The following TAB1 variants were observed in gnomAD, a reference collection of about 807,000 sequenced individuals.
The protein encoded by TAB1 is TGF-beta activated kinase 1 (MAP3K7) binding protein 1, also known as TGF-beta-activated kinase 1 and MAP3K7-binding protein 1.
Under a neutral mutation model 54.5 loss-of-function variants are expected in TAB1, and 30 were observed. The ratio of observed to expected loss-of-function variants is 0.55; its 90% confidence interval spans 0.41 to 0.75. The LOEUF (loss-of-function observed/expected upper bound fraction) is 0.75. Ranked by LOEUF, TAB1 falls within the 30% of genes least tolerant of loss-of-function variation. The probability of loss-of-function intolerance (pLI) is 0.00; values close to 1 mark genes in which losing one functional copy is unlikely to be tolerated. For synonymous variants in TAB1, 289 were observed against 286.9 expected, an observed-to-expected ratio of 1.01 and a Z score of -0.07; for missense variants, 609 against 683.2, an observed-to-expected ratio of 0.89 and a Z score of 1.21.
intron 4 of TAB1, 82 bp downstream of exon 4, chr22:39,416,959 A>G (rs1926860437): frequency 1.4e-6 from 2 of 1,379,412 alleles, no homozygotes; most frequent in Non-Finnish European, 2.0e-6. Context: ...CTTTCTTGAC[A>G]TTACTGGGCC....
downstream of TAB1, chr22:39,431,952 C>T (rs1027931697): frequency 1.1e-6 from 1 of 878,004 alleles, no homozygotes; most frequent in South Asian, 5.2e-5. Flanking sequence ...CTCTTCACTG[C>T]CCTGGAGGTT....
At chr22:39,428,385 C>T (rs1271632598) in intron 10 of TAB1, among the ~76,000 whole-genome samples, 1 of 152,202 alleles carries the variant, frequency 6.6e-6, no homozygotes, top group Non-Finnish European at 1.5e-5. Context: ...CTGATGGTCC[C>T]AGCCTACTTC....
Position 39,419,502 on chromosome 22 carries a change from A to G in TAB1, c.665-17A>G. 1.3e-6 allele frequency: 2 copies of G among 1,576,162 alleles called. No individual in the cohort carries two copies. The highest frequency in any genetic ancestry group is 1.7e-6 in the Non-Finnish European group (2 of 1,152,434). ...TGTGAACAAGAAGCAGGATTGTTGC[A>G]CTGTTTCCCTCCGTAGGCTTGGATG... On this transcript the variant is annotated splice_polypyrimidine_tract_variant and intron_variant, in intron 6 of 10. Coordinates refer to ENST00000216160, the MANE Select transcript of TAB1 (RefSeq NM_006116.3).
At chr22:39,417,041 T>A (rs1242425612) in intron 4 of TAB1, among the ~76,000 whole-genome samples, 164 bp downstream of exon 4, 1 of 152,242 alleles carries the variant, frequency 6.6e-6, no homozygotes, top group African/African-American at 2.4e-5. Context: ...GGGACCTCGC[T>A]GCTCTGCTGT....
At chr22:39,427,231 C>G (rs948209399) in intron 9 of TAB1, among the ~76,000 whole-genome samples, 1 of 152,214 alleles carries the variant, frequency 6.6e-6, no homozygotes, top group Non-Finnish European at 1.5e-5. Context: ...TTGAGTGCCT[C>G]CCTTGTGCCA....
intron 1 of TAB1, among the ~76,000 whole-genome samples, chr22:39,405,446 G>C (rs1034736447): frequency 6.6e-6 from 1 of 152,234 alleles, no homozygotes; most frequent in Non-Finnish European, 1.5e-5. Flanking sequence ...TCCTGCGTTC[G>C]CTGTTGTGTG....
At position 39,406,417 on chromosome 22, in the gene TAB1, A is replaced by G. The variant is rs766349969; in HGVS notation, c.33+6582A>G. Among the ~76,000 whole-genome samples, 761 of 150,654 alleles carry G rather than the reference A, an allele frequency of 5.1e-3. 31 individuals are homozygous for G. Among genetic ancestry groups the G allele is most frequent in the Admixed American group, 0.046 (695 of 15,070 alleles). Reference sequence around the variant, plus strand: ...GTCACCAAAAAAAAAAAAAAAAAAAAAGGAATCATTTGAGTGAAAGATAGT... The same window carrying G: ...GTCACCAAAAAAAAAAAAAAAAAAAGAGGAATCATTTGAGTGAAAGATAGT... On this transcript the variant is annotated intron_variant, in intron 1 of 10. Transcript: ENST00000216160.
downstream of TAB1, chr22:39,436,349 G>A (rs1927784209): frequency 3.0e-6 from 2 of 673,604 alleles, no homozygotes; most frequent in South Asian, 1.8e-5. Flanking sequence ...TAGCTGACGT[G>A]TAATATCTCA....
chr22:39,433,861 A>G, downstream of TAB1: 1 of 979,342 alleles, frequency 1.0e-6, no homozygotes. Flanking sequence ...CTCTGGAAAG[A>G]GCCCTTCCCT....
At chr22:39,427,448 C>T (rs553131248) in intron 9 of TAB1, among the ~76,000 whole-genome samples, 1 of 152,316 alleles carries the variant, frequency 6.6e-6, no homozygotes, top group South Asian at 2.1e-4. Flanking sequence ...TTGCTTTTTA[C>T]CTATGTCATT....
Position 39,430,995 on chromosome 22 carries a change from A to C in TAB1, c.*773A>C, listed in dbSNP as rs1273702674. On this transcript the variant is annotated 3_prime_UTR_variant, in exon 11 of 11. Coordinates refer to ENST00000216160, the MANE Select transcript of TAB1 (RefSeq NM_006116.3). ...CTGTCGTCAGGCCTGAGCCAGGGTG[A>C]GCTGGTGCCTGCCTTGCATTTTCCT... is the stretch of plus-strand genomic sequence containing the variant. The C allele has an allele frequency of 3.0e-6, 3 of 986,164 alleles. No individual in the cohort carries two copies. The African/African-American group carries it at 5.2e-5, about 17-fold the overall frequency. 61.1% of individuals were successfully genotyped at this position (986,164 alleles called of 1,614,324 possible).
chr22:39,430,196 G>A lies in TAB1; in HGVS notation c.1489G>A (p.Glu497Lys), dbSNP rs1927525506. The A allele has an allele frequency of 1.9e-6, 3 of 1,613,300 alleles. No homozygotes were observed. The highest frequency in any genetic ancestry group is 2.5e-6 in the Non-Finnish European group (3 of 1,180,034). The change falls in exon 11 of 11, where the codon GAG becomes AAG. Residue 497 changes from glutamate to lysine, a missense_variant. Physicochemically the swap from Glu to Lys is moderately conservative, Grantham distance 56 (BLOSUM62 1). Coordinates refer to ENST00000216160, the MANE Select transcript of TAB1 (RefSeq NM_006116.3). ...CCGCCTCTGGAGCGTGGACCATGGC[G>A]AGCAGAGCGTGGTGACAGCACCGTA... ...FYRLWSVDHGEQSVVTAP is the reference protein window; with the variant it reads ...FYRLWSVDHGKQSVVTAP
rs745741220 is a variant in TAB1, at chr22:39,403,748, C to T, written c.33+3913C>T. Among the ~76,000 whole-genome samples the T allele has an allele frequency of 4.6e-5, 7 of 151,344 alleles. No homozygotes were observed. The East Asian group carries it at 5.8e-4, about 13-fold the overall frequency. On this transcript the variant is annotated intron_variant, in intron 1 of 10. Coordinates refer to ENST00000216160, the MANE Select transcript of TAB1 (RefSeq NM_006116.3). ...CCGCCTCCCAGGTTCACGCCATTCT[C>T]CTGCCTCAGCCTCCCAAGTAGCTGG...
intron 8 of TAB1, among the ~76,000 whole-genome samples, chr22:39,422,449 C>T (rs1292530227): frequency 7.1e-6 from 1 of 140,384 alleles, no homozygotes; most frequent in African/African-American, 2.6e-5. Flanking sequence ...CCCTCTGTCA[C>T]GCAGGCTAGA....
At chr22:39,418,285 A>C (rs969102779) in intron 5 of TAB1, among the ~76,000 whole-genome samples, 1 of 152,136 alleles carries the variant, frequency 6.6e-6, no homozygotes, top group Admixed American at 6.5e-5. Flanking sequence ...CCTTCTGATG[A>C]TGCTGCCTTT....
chr22:39,410,366 C>T (rs890217982), intron 1 of TAB1, among the ~76,000 whole-genome samples: 4 of 152,224 alleles, frequency 2.6e-5, no homozygotes, highest in Non-Finnish European at 2.9e-5. Flanking sequence ...CCTCAGCCTC[C>T]CCAAGTGCTG....
intron 8 of TAB1, among the ~76,000 whole-genome samples, chr22:39,422,466 T>C (rs1927137789): frequency 6.9e-6 from 1 of 144,042 alleles, no homozygotes; most frequent in African/African-American, 2.6e-5. Flanking sequence ...TAGAGTACAG[T>C]GGCATGATCT....
rs1349125810 is a variant in TAB1, at chr22:39,430,015, C to T, written c.1308C>T (p.Asn436=). The T allele has an allele frequency of 6.2e-7, 1 of 1,612,724 alleles. No individual in the cohort carries two copies. Among genetic ancestry groups the T allele is most frequent in the Non-Finnish European group, 8.5e-7 (1 of 1,179,966 alleles). ...GACTCCCTCCCCTGTTGTCCTGCAG[C>T]CAAAGCCCGACCTTAACCCTGCAGT... ...TLDEATPTLT[N]QSPTLTLQST... The change falls in exon 11 of 11, where the codon AAC becomes AAT. Residue 436 remains asparagine (N), a splice_region_variant and synonymous_variant. Coordinates refer to ENST00000216160, the MANE Select transcript of TAB1 (RefSeq NM_006116.3).
downstream of TAB1, among the ~76,000 whole-genome samples, chr22:39,435,294 G>A (rs1195413418): frequency 6.6e-6 from 1 of 152,152 alleles, no homozygotes; most frequent in African/African-American, 2.4e-5. Flanking sequence ...TGATGCTTCA[G>A]GAAGAGCTGT....
Sources: allele counts gnomAD v4.1 joint callset (sites outside exome capture counted in the v4.1 genomes callset), GRCh38; gene constraint gnomAD v4.1.1; transcripts MANE v1.5; gene names NCBI Gene and HGNC (gene_info 2026-07-23, HGNC 2026-07-21).